Variants in MSH3 observed in about 807,000 individuals in gnomAD.
The protein encoded by MSH3 is mutS homolog 3, also known as DNA mismatch repair protein Msh3.
Under a neutral mutation model 123.3 loss-of-function variants are expected in MSH3, and 106 were observed. The ratio of observed to expected loss-of-function variants is 0.86; its 90% confidence interval spans 0.73 to 1.01. The LOEUF (loss-of-function observed/expected upper bound fraction) is 1.01. MSH3 is among the 50% of genes least tolerant of loss of function. The pLI, the probability that MSH3 is intolerant of heterozygous loss-of-function variation, is 0.00. For missense variants in MSH3, 1,459 were observed against 1,347.6 expected (o/e 1.08, Z -1.29); for synonymous variants, 515 against 481.4 (o/e 1.07, Z -0.91).
chr5:80,859,243 C>T (rs1435862846), intron 21 of MSH3, among the ~76,000 whole-genome samples: 1 of 152,114 alleles, frequency 6.6e-6, no homozygotes, highest in Non-Finnish European at 1.5e-5. Context: ...GCCTCAGCCT[C>T]CCGAGTAGCT....
At chr5:80,741,598 T>G (rs763925891) in intron 11 of MSH3, 50 bp downstream of exon 11, 2 of 1,313,116 alleles carry the variant, frequency 1.5e-6, no homozygotes, top group Non-Finnish European at 2.2e-6. Flanking sequence ...TGGGAAAAAC[T>G]TCTGAGTAAG....
intron 20 of MSH3, among the ~76,000 whole-genome samples, chr5:80,816,264 A>G (rs1201226271): frequency 7.0e-6 from 1 of 141,908 alleles, no homozygotes. Flanking sequence ...TGAAGGCTAT[A>G]TGCAAGATGT....
At chr5:80,809,531 A>T (rs1744969561) in intron 19 of MSH3, among the ~76,000 whole-genome samples, 1 of 152,190 alleles carries the variant, frequency 6.6e-6, no homozygotes, top group Non-Finnish European at 1.5e-5. Flanking sequence ...CTACCGATTT[A>T]AAAACATTTC....
chr5:80,836,373 G>C (rs1745510022), intron 20 of MSH3, among the ~76,000 whole-genome samples: 1 of 152,112 alleles, frequency 6.6e-6, no homozygotes, highest in African/African-American at 2.4e-5. Context: ...ATAAATCAGT[G>C]AGGTCAGTTC....
chr5:80,723,224 C>A (rs1383733955), intron 8 of MSH3, among the ~76,000 whole-genome samples: 3 of 152,098 alleles, frequency 2.0e-5, no homozygotes, highest in Non-Finnish European at 4.4e-5. Context: ...CCAAGACAAT[C>A]TTGAAGAGCA....
intron 16 of MSH3, among the ~76,000 whole-genome samples, chr5:80,776,925 TA>T (rs1466524336): frequency 1.3e-3 from 168 of 126,440 alleles, no homozygotes; most frequent in African/African-American, 5.0e-3. Context: ...TATATATATA[TA>T]TATTTTTTTT....
At chr5:80,787,517 T>A in intron 17 of MSH3, 48 bp from the exon 18 acceptor site, 1 of 1,191,194 alleles carries the variant, frequency 8.4e-7, no homozygotes, top group Non-Finnish European at 1.3e-6. Context: ...ATTATAGGTT[T>A]AAGATATCAG....
chr5:80,717,832 T>A (rs1019995293), intron 8 of MSH3, among the ~76,000 whole-genome samples: 1 of 152,206 alleles, frequency 6.6e-6, no homozygotes. Context: ...GTTATTTGTG[T>A]TTTTGGTATT....
At chr5:80,788,817 AG>A (rs1744559563) in intron 18 of MSH3, among the ~76,000 whole-genome samples, 1 of 150,786 alleles carries the variant, frequency 6.6e-6, no homozygotes, top group East Asian at 2.0e-4. Context: ...AAAAAAAAAA[AG>A]AGAGATAGAA....
intron 12 of MSH3, among the ~76,000 whole-genome samples, chr5:80,756,337 C>T (rs1424996820): frequency 1.3e-5 from 2 of 152,116 alleles, no homozygotes; most frequent in Non-Finnish European, 2.9e-5. Context: ...GAAGAAATTA[C>T]CTAGAATGCA....
intron 20 of MSH3, among the ~76,000 whole-genome samples, chr5:80,840,674 C>T (rs111492153): frequency 0.016 from 2,487 of 152,030 alleles, 67 homozygotes; most frequent in African/African-American, 0.058. Context: ...TATACATATG[C>T]CATGTTGGTT....
intron 3 of MSH3, among the ~76,000 whole-genome samples, chr5:80,668,061 G>A (rs971629033): frequency 6.6e-6 from 1 of 152,236 alleles, no homozygotes; most frequent in Non-Finnish European, 1.5e-5. Context: ...GAGACCCGCA[G>A]TGGGTGCTTC....
intron 15 of MSH3, 40 bp downstream of exon 15, chr5:80,769,043 C>T: frequency 2.6e-6 from 4 of 1,545,324 alleles, no homozygotes; most frequent in African/African-American, 1.4e-5. Flanking sequence ...TAGTTTTACT[C>T]TAGTAGAAAA....
At chr5:80,841,970 A>C (rs2112091786) in intron 20 of MSH3, among the ~76,000 whole-genome samples, 1 of 152,252 alleles carries the variant, frequency 6.6e-6, no homozygotes, top group South Asian at 2.1e-4. Flanking sequence ...TTAGTCATGA[A>C]GTCCTTGCCC....
intron 20 of MSH3, among the ~76,000 whole-genome samples, chr5:80,820,296 A>G (rs968155299): frequency 6.6e-6 from 1 of 152,200 alleles, no homozygotes; most frequent in Non-Finnish European, 1.5e-5. Context: ...TAATTAGTTA[A>G]GAAGGCAACT....
chr5:80,770,110 A>G (rs1225307677), intron 15 of MSH3, among the ~76,000 whole-genome samples: 1 of 152,178 alleles, frequency 6.6e-6, no homozygotes, highest in Non-Finnish European at 1.5e-5. Context: ...CAAATATTTA[A>G]TTGTAACTCT....
intron 20 of MSH3, among the ~76,000 whole-genome samples, chr5:80,841,888 A>G (rs1374756168): frequency 3.3e-5 from 5 of 152,138 alleles, no homozygotes; most frequent in Non-Finnish European, 7.3e-5. Context: ...TTCTTTTGCT[A>G]TGCAGAAACT....
intron 17 of MSH3, among the ~76,000 whole-genome samples, chr5:80,786,745 G>A (rs1418374238): frequency 6.6e-6 from 1 of 151,888 alleles, no homozygotes; most frequent in East Asian, 1.9e-4. Flanking sequence ...CAATTTATAC[G>A]ACACTACACA....
intron 10 of MSH3, among the ~76,000 whole-genome samples, chr5:80,731,674 C>T (rs149715765): frequency 7.2e-5 from 11 of 152,160 alleles, no homozygotes; most frequent in African/African-American, 2.4e-4. Flanking sequence ...TGCTTAAAAA[C>T]GAAATGTGGT....
Sources: allele counts gnomAD v4.1 joint callset (sites outside exome capture counted in the v4.1 genomes callset), GRCh38; gene constraint gnomAD v4.1.1; transcripts MANE v1.5; gene names NCBI Gene and HGNC (gene_info 2026-07-23, HGNC 2026-07-21).